BCAR3: variants seen among roughly 807,000 people sequenced by gnomAD.
The protein encoded by BCAR3 is breast cancer anti-estrogen resistance protein 3.
A neutral mutation model predicts 80.1 loss-of-function variants in BCAR3; 37 were observed. The observed-to-expected ratio is 0.46, with a 90% confidence interval of 0.36 to 0.61. BCAR3 has a LOEUF of 0.61. Ranked by LOEUF, BCAR3 falls within the 20% of genes least tolerant of loss-of-function variation. The probability of loss-of-function intolerance (pLI) is 0.00; values close to 1 mark genes in which losing one functional copy is unlikely to be tolerated. For synonymous variants in BCAR3, 389 were observed against 418.9 expected, an observed-to-expected ratio of 0.93 and a Z score of 0.87; for missense variants, 978 against 1,068.2, an observed-to-expected ratio of 0.92 and a Z score of 1.18.
At position 93,562,122 on chromosome 1, in the gene BCAR3, A is replaced by C; in HGVS notation, c.*119T>G. 9.5e-7 allele frequency: 1 copy of C among 1,056,882 alleles called. No homozygotes were observed. The highest frequency in any genetic ancestry group is 1.3e-6 in the Non-Finnish European group (1 of 741,010). The allele number at this position is 1,056,882 out of a possible 1,614,324, so 65.5% of individuals were successfully genotyped here. ...TTTACACGTTTAATATCCTGTGGAT[A>C]CTAAAAGCTTGTATATTGTCAGATT... On this transcript the variant is annotated 3_prime_UTR_variant, in exon 12 of 12. Coordinates refer to ENST00000260502, the MANE Select transcript of BCAR3 (RefSeq NM_003567.4).
chr1:93,700,349 C>T (rs1316299342), intron 3 of BCAR3, among the ~76,000 whole-genome samples: 1 of 152,138 alleles, frequency 6.6e-6, no homozygotes, highest in Non-Finnish European at 1.5e-5. Context: ...CACACCCCTA[C>T]ACCTGGCTAA....
At chr1:93,767,529 A>C (rs1652197229) in intron 2 of BCAR3, among the ~76,000 whole-genome samples, 1 of 152,098 alleles carries the variant, frequency 6.6e-6, no homozygotes, top group Admixed American at 6.5e-5. Flanking sequence ...GTCTCAAAAA[A>C]AAAAAAAAAA....
upstream of BCAR3, among the ~76,000 whole-genome samples, chr1:93,685,775 G>A (rs1648953314): frequency 1.3e-5 from 2 of 152,078 alleles, no homozygotes; most frequent in Admixed American, 1.3e-4. Context: ...TTTCCCCACA[G>A]CTTGGCCAGA....
At chr1:93,613,508 G>A (rs186974460) in intron 3 of BCAR3, among the ~76,000 whole-genome samples, 7 of 152,284 alleles carry the variant, frequency 4.6e-5, no homozygotes, top group East Asian at 1.9e-4. Context: ...CCTTGTGTTC[G>A]TTAGAAATGA....
intron 3 of BCAR3, among the ~76,000 whole-genome samples, chr1:93,606,623 T>C (rs1674778395): frequency 6.6e-6 from 1 of 152,100 alleles, no homozygotes; most frequent in African/African-American, 2.4e-5. Flanking sequence ...TACTGGGCCA[T>C]GGGGTCCAGG....
rs1653752248 is a variant in BCAR3, at chr1:93,809,385, T to A, written c.-63+36182A>T. Among the ~76,000 whole-genome samples, 3 of 151,252 alleles carry A rather than the reference T, an allele frequency of 2.0e-5. No individual in the cohort carries two copies. In the South Asian group the frequency reaches 6.3e-4, roughly 32 times the overall value. Reference sequence around the variant, plus strand: ...AATGCTTAAAATTTTCTTTGGGGGATCAAGGCTGAGGGGTGGTGGTGGGGG... The same window carrying A: ...AATGCTTAAAATTTTCTTTGGGGGAACAAGGCTGAGGGGTGGTGGTGGGGG... On this transcript the variant is annotated intron_variant, in intron 2 of 13. Coordinates refer to the BCAR3 transcript ENST00000370244.
intron 8 of BCAR3, 116 bp downstream of exon 8, chr1:93,575,898 A>G: frequency 3.8e-6 from 3 of 787,386 alleles, no homozygotes; most frequent in Non-Finnish European, 6.2e-6. Flanking sequence ...TGCGCCCTGA[A>G]GTACTGTTAC....
intron 3 of BCAR3, among the ~76,000 whole-genome samples, chr1:93,609,303 G>A (rs1674878432): frequency 6.6e-6 from 1 of 152,172 alleles, no homozygotes; most frequent in Non-Finnish European, 1.5e-5. Context: ...TAACATCCCT[G>A]CCTTCTGTGG....
intron 2 of BCAR3, among the ~76,000 whole-genome samples, chr1:93,652,263 T>A (rs1392788773): frequency 6.6e-6 from 1 of 152,108 alleles, no homozygotes; most frequent in African/African-American, 2.4e-5. Flanking sequence ...TCACCCTTTT[T>A]AGAGAAGCAT....
At position 93,586,480 on chromosome 1, in the gene BCAR3, T is replaced by C. The variant is rs1673948134; in HGVS notation, c.930-2359A>G. ...GGACACTTAGGCTGCTTCCAAATCT[T>C]AGCTATTGTAAACAGTGCTGCAACA... On this transcript the variant is annotated intron_variant, in intron 5 of 11. Coordinates refer to ENST00000260502, the MANE Select transcript of BCAR3 (RefSeq NM_003567.4). This position sits in a 1 kb window ranked among gnomAD's most constrained non-coding sequence, Gnocchi z 4.2. Among the ~76,000 whole-genome samples the C allele has an allele frequency of 6.6e-6, 1 of 151,594 alleles. No individual in the cohort carries two copies. Among genetic ancestry groups the C allele is most frequent in the Non-Finnish European group, 1.5e-5 (1 of 67,972 alleles).
chr1:93,717,136 G>C (rs1018803968), intron 2 of BCAR3, among the ~76,000 whole-genome samples: 1 of 152,134 alleles, frequency 6.6e-6, no homozygotes, highest in Non-Finnish European at 1.5e-5. Flanking sequence ...TGTGAATAAG[G>C]CCAGGCTAGG....
intron 2 of BCAR3, among the ~76,000 whole-genome samples, chr1:93,784,916 T>A (rs1652887774): frequency 6.6e-6 from 1 of 152,174 alleles, no homozygotes; most frequent in Non-Finnish European, 1.5e-5. Context: ...TTACTCCTGT[T>A]GAGAATTCCA....
At position 93,717,386 on chromosome 1, in the gene BCAR3, T is replaced by C. The variant is rs1018125969; in HGVS notation, c.-62-11244A>G. Among the ~76,000 whole-genome samples the C allele has an allele frequency of 5.3e-5, 8 of 152,264 alleles. No individual in the cohort carries two copies. In the South Asian group the frequency reaches 6.2e-4, roughly 12 times the overall value. On this transcript the variant is annotated intron_variant, in intron 2 of 13. Transcript: ENST00000370244. ...GGGGCAGTTTTTTAAGCAGCAAAAG[T>C]TAGTTGATTTTGCATTTAGGCCAAG...
chr1:93,591,390 G>A (rs375371922), intron 4 of BCAR3, among the ~76,000 whole-genome samples: 8 of 151,988 alleles, frequency 5.3e-5, no homozygotes, highest in Non-Finnish European at 1.2e-4. Flanking sequence ...CAGGAGAATC[G>A]CTTGAACCCA....
chr1:93,685,203 A>AGTTCACAAGAT (rs1648929829), upstream of BCAR3, among the ~76,000 whole-genome samples: 1 of 152,246 alleles, frequency 6.6e-6, no homozygotes, highest in Non-Finnish European at 1.5e-5. Flanking sequence ...CCATTGCAGT[A>AGTTCACAAGAT]TGGTTCACAA....
At chr1:93,598,556 T>C (rs904654891) in intron 3 of BCAR3, among the ~76,000 whole-genome samples, 1 of 152,150 alleles carries the variant, frequency 6.6e-6, no homozygotes, top group Admixed American at 6.6e-5. Flanking sequence ...CAGTGGGGGA[T>C]GGATGCACTG....
chr1:93,746,072 A>G (rs1651348464), intron 2 of BCAR3, among the ~76,000 whole-genome samples: 1 of 152,248 alleles, frequency 6.6e-6, no homozygotes, highest in African/African-American at 2.4e-5. Flanking sequence ...AAAATTCAAC[A>G]GAAGCCTAAT....
intron 2 of BCAR3, among the ~76,000 whole-genome samples, chr1:93,788,344 TTA>T (rs1370700739): frequency 6.6e-6 from 1 of 152,232 alleles, no homozygotes; most frequent in Non-Finnish European, 1.5e-5. Context: ...GTTCTATTCA[TTA>T]TGTTATTTAG....
chr1:93,582,248 G>T, intron 7 of BCAR3, 53 bp downstream of exon 7: 1 of 1,572,624 alleles, frequency 6.4e-7, no homozygotes. Context: ...GGGACCCCTA[G>T]CTCTTACCAA....
Sources: allele counts gnomAD v4.1 joint callset (sites outside exome capture counted in the v4.1 genomes callset), GRCh38; gene constraint gnomAD v4.1.1; non-coding constraint Gnocchi (gnomAD v3.1); transcripts MANE v1.5; gene names NCBI Gene and HGNC (gene_info 2026-07-23, HGNC 2026-07-21).